The following NME9 variants were observed in gnomAD, a reference collection of about 807,000 sequenced individuals.
The protein encoded by NME9 is thioredoxin domain-containing protein 6.
NME9 carries 48 observed loss-of-function variants against 44.4 expected under a neutral mutation model. That is an observed-to-expected ratio of 1.08 (90% confidence interval 0.86 to 1.37). NME9 has a LOEUF of 1.37. NME9 is among the 40% of genes most tolerant of loss of function. NME9 has a pLI of 0.00. For synonymous variants in NME9, 139 were observed against 147.1 expected, an observed-to-expected ratio of 0.94 and a Z score of 0.40; for missense variants, 325 against 405.2, an observed-to-expected ratio of 0.80 and a Z score of 1.70.
rs748817344 is a variant in NME9 at position 138,301,613 on chromosome 3, G to A, written c.*27C>T. The A allele has an allele frequency of 1.8e-5, 28 of 1,535,662 alleles. No homozygotes were observed. The highest frequency in any genetic ancestry group is 1.8e-4 in the Admixed American group (9 of 50,968). Reference sequence around the variant, plus strand: ...TTTTGTGCAGTAGACCCCTGGTCACGTGCTCTGGAAGAGCAGCACAGCCAT... The same window carrying A: ...TTTTGTGCAGTAGACCCCTGGTCACATGCTCTGGAAGAGCAGCACAGCCAT... On this transcript the variant is annotated 3_prime_UTR_variant, in exon 11 of 11. Transcript: ENST00000333911.
intron 2 of NME9, 132 bp downstream of exon 2, chr3:138,324,731 CACACACACAT>C (rs772796298): frequency 1.6e-5 from 10 of 624,956 alleles, no homozygotes; most frequent in Non-Finnish European, 3.0e-5. Flanking sequence ...CACACACACA[CACACACACAT>C]CACCTGGTTT....
At chr3:138,288,402 C>T (rs141383930) in intron 8 of NME9, among the ~76,000 whole-genome samples, 6 of 152,208 alleles carry the variant, frequency 3.9e-5, no homozygotes, top group Non-Finnish European at 5.9e-5. Flanking sequence ...AGTGTTTCCT[C>T]GTGCATGGAT....
intron 8 of NME9, among the ~76,000 whole-genome samples, chr3:138,279,909 T>C (rs1006750795): frequency 4.7e-5 from 7 of 149,560 alleles, no homozygotes; most frequent in Non-Finnish European, 8.9e-5. Context: ...TGGTAATTCC[T>C]TTTTTTTTTC....
rs1196624056 is a variant in NME9 at position 138,315,554 on chromosome 3, C to A, written c.357G>T (p.Val119=). The change falls in exon 5 of 11, where the codon GTG becomes GTT. Residue 119 remains valine (V), a synonymous_variant. Transcript: ENST00000333911. ...ILDQLEAEKK[V]LAEGRERKVI... The stretch of plus-strand genomic sequence containing the variant: ...CTTTCCGTTCTCTGCCTTCAGCCAG[C>A]ACTTTCTTTTCGGCCTCCAGCTGGT... 8 of 1,536,416 alleles carry A rather than the reference C, an allele frequency of 5.2e-6. No individual in the cohort carries two copies. In the African/African-American group the frequency reaches 1.1e-4, roughly 21 times the overall value.
At chr3:138,315,791 G>A (rs1002117160) in intron 4 of NME9, 148 bp from the exon 5 acceptor site, 1 of 627,038 alleles carries the variant, frequency 1.6e-6, no homozygotes. Context: ...GCCCTCCCTT[G>A]GCAGGACACC....
chr3:138,309,967 C>T (rs1165996040), intron 6 of NME9, among the ~76,000 whole-genome samples: 1 of 151,078 alleles, frequency 6.6e-6, no homozygotes, highest in Non-Finnish European at 1.5e-5. Flanking sequence ...GTGGAGGTTG[C>T]AGTGAGCCAA....
chr3:138,327,525 A>T (rs1395696596), intron 1 of NME9, among the ~76,000 whole-genome samples: 1 of 152,146 alleles, frequency 6.6e-6, no homozygotes, highest in Non-Finnish European at 1.5e-5. Context: ...GGACTTCACT[A>T]AGCCTGCATT....
chr3:138,272,605 G>C (rs1412789893), intron 8 of NME9, among the ~76,000 whole-genome samples: 1 of 152,200 alleles, frequency 6.6e-6, no homozygotes, highest in Non-Finnish European at 1.5e-5. Flanking sequence ...GGCCAAGCCT[G>C]GTGGCTCACA....
At chr3:138,267,064 T>A in intron 8 of NME9, 2 of 714,534 alleles carry the variant, frequency 2.8e-6, no homozygotes, top group Non-Finnish European at 4.5e-6. Context: ...GAAAGATAAT[T>A]GTTCTTGTTT....
chr3:138,309,926 C>G (rs1169129708), intron 6 of NME9, among the ~76,000 whole-genome samples: 2 of 151,790 alleles, frequency 1.3e-5, no homozygotes, highest in African/African-American at 4.8e-5. Context: ...AATTGGGAGG[C>G]TGAGGCAGGA....
intron 8 of NME9, among the ~76,000 whole-genome samples, chr3:138,280,009 T>G (rs2049722435): frequency 1.3e-5 from 2 of 151,888 alleles, no homozygotes; most frequent in African/African-American, 4.8e-5. Context: ...GTTCAAACCT[T>G]TCTCCTGCCT....
intron 8 of NME9, chr3:138,267,249 T>C: frequency 4.6e-6 from 7 of 1,517,958 alleles, no homozygotes; most frequent in South Asian, 1.2e-5. Context: ...GAGGTTAGTA[T>C]TGATTTTCTT....
chr3:138,306,348 C>T, intron 7 of NME9, 50 bp downstream of exon 7: 2 of 1,391,452 alleles, frequency 1.4e-6, no homozygotes, highest in Non-Finnish European at 2.0e-6. Flanking sequence ...TGTTTATCCA[C>T]AAAAGAGGAC....
chr3:138,291,685 A>G (rs2050967503), intron 8 of NME9, among the ~76,000 whole-genome samples: 1 of 152,234 alleles, frequency 6.6e-6, no homozygotes, highest in Non-Finnish European at 1.5e-5. Flanking sequence ...GCTAGTAAAG[A>G]TCTCTCTGAG....
At chr3:138,273,182 C>T in intron 8 of NME9, 1 of 1,438,392 alleles carries the variant, frequency 7.0e-7, no homozygotes, top group Non-Finnish European at 9.4e-7. Flanking sequence ...ACATTGCTCT[C>T]TCTCTGTGCT....
At chr3:138,324,398 A>C (rs753470002) in intron 2 of NME9, 1 of 451,902 alleles carries the variant, frequency 2.2e-6, no homozygotes, top group South Asian at 1.6e-5. Context: ...GTAAAGCACT[A>C]AGTTTCTGGG....
chr3:138,319,490 C>T lies in NME9; in HGVS notation c.183G>A (p.Leu61=). 1 of 1,599,284 alleles carries T rather than the reference C, an allele frequency of 6.3e-7. No homozygotes were observed. The highest frequency in any genetic ancestry group is 8.6e-7 in the Non-Finnish European group (1 of 1,166,532). ...GAGAGAATCTTACTAATGCAAAGTG[C>T]AGAAGGTCCAGGCCGACCTCGATCC... ...KMRIEVGLDL[L]HFALAEADRL... is the part of the protein sequence containing the mutation. Residue 61 remains leucine (L), a synonymous_variant, in exon 3 of 11, where the codon CTG becomes CTA. Transcript: ENST00000333911.
At chr3:138,324,691 GATACACACAC>G in intron 2 of NME9, 172 bp downstream of exon 2, 1 of 583,412 alleles carries the variant, frequency 1.7e-6, no homozygotes, top group Non-Finnish European at 3.1e-6. Context: ...ATTCAAGCCA[GATACACACAC>G]ACACACACAC....
At chr3:138,295,462 T>A (rs955362152) in intron 8 of NME9, among the ~76,000 whole-genome samples, 1 of 152,224 alleles carries the variant, frequency 6.6e-6, no homozygotes, top group African/African-American at 2.4e-5. Flanking sequence ...ACCCTAAGTG[T>A]TCTCCCTAGT....
Sources: allele counts gnomAD v4.1 joint callset (sites outside exome capture counted in the v4.1 genomes callset), GRCh38; gene constraint gnomAD v4.1.1; transcripts MANE v1.5; gene names NCBI Gene and HGNC (gene_info 2026-07-23, HGNC 2026-07-21).